The following GPR143 variants were observed in gnomAD, a reference collection of about 807,000 sequenced individuals.
GPR143 encodes G protein-coupled receptor 143.
Under a neutral mutation model 27.6 loss-of-function variants are expected in GPR143, and 8 were observed. That is an observed-to-expected ratio of 0.29 (90% CI 0.17 to 0.52). GPR143 has a LOEUF of 0.52. GPR143 is among the 20% of genes least tolerant of loss of function. GPR143 has a pLI of 0.96. For synonymous variants in GPR143, 156 were observed against 153.2 expected (o/e 1.02, Z -0.13); for missense variants, 303 against 343.1 (o/e 0.88, Z 0.92).
intron 3 of GPR143, among the ~76,000 whole-genome samples, chrX:9,750,115 A>G (rs996505207): frequency 8.9e-6 from 1 of 112,116 alleles, no homozygotes; most frequent in African/African-American, 3.2e-5. Context: ...ACATGGGCCA[A>G]GATTCACCCA....
intron 8 of GPR143, among the ~76,000 whole-genome samples, chrX:9,730,437 T>TGATGAA (rs1024990738): frequency 2.2e-4 from 25 of 111,716 alleles, no homozygotes; most frequent in African/African-American, 7.8e-4. Flanking sequence ...CTACAGTTGA[T>TGATGAA]GAAGACACCA....
chrX:9,753,402 CAG>C (rs369337265), intron 3 of GPR143, among the ~76,000 whole-genome samples: 1,687 of 79,291 alleles, frequency 0.021, 45 homozygotes, highest in African/African-American at 0.077. Context: ...TTGAAAAAAA[CAG>C]AATCTGAAAA....
intron 1 of GPR143, among the ~76,000 whole-genome samples, chrX:9,778,598 G>C (rs919134724): frequency 9.3e-6 from 1 of 107,891 alleles, no homozygotes; most frequent in Non-Finnish European, 1.9e-5. Context: ...TCCATCTTGA[G>C]CCTGGGAGAC....
At chrX:9,735,263 C>T (rs890978036) in intron 8 of GPR143, among the ~76,000 whole-genome samples, 5 of 112,008 alleles carry the variant, frequency 4.5e-5, no homozygotes, top group African/African-American at 6.5e-5. Flanking sequence ...CGCTGGCCAC[C>T]GGATAAAGCC....
chrX:9,733,780 A>G (rs756963920), intron 8 of GPR143, among the ~76,000 whole-genome samples: 1 of 111,641 alleles, frequency 9.0e-6, no homozygotes, highest in African/African-American at 3.3e-5. Context: ...AGATTGTGGT[A>G]GAAAATAGAT....
intron 7 of GPR143, 49 bp from the exon 8 acceptor site, chrX:9,739,768 A>G: frequency 1.2e-6 from 1 of 854,996 alleles, no homozygotes; most frequent in Non-Finnish European, 1.7e-6. Context: ...GCGTAGCAGA[A>G]GTCAGAGCCC....
intron 6 of GPR143, among the ~76,000 whole-genome samples, chrX:9,743,321 C>T (rs985172118): frequency 5.6e-5 from 6 of 107,416 alleles, no homozygotes; most frequent in Admixed American, 2.0e-4. Flanking sequence ...CTTGGGTGTT[C>T]GTTTTCTAAG....
intron 1 of GPR143, among the ~76,000 whole-genome samples, chrX:9,763,218 C>T (rs1022625594): frequency 1.8e-5 from 2 of 110,823 alleles, no homozygotes; most frequent in East Asian, 2.8e-4. Context: ...GGATTACAGG[C>T]GTGAGCCACC....
intron 5 of GPR143, among the ~76,000 whole-genome samples, chrX:9,745,489 G>A (rs750632276): frequency 1.8e-5 from 2 of 112,066 alleles, no homozygotes; most frequent in East Asian, 2.8e-4. Context: ...TCCTTGAGGG[G>A]AAAGTAGGGG....
chrX:9,768,435 C>G (rs1458748277), upstream of GPR143, among the ~76,000 whole-genome samples: 2 of 111,778 alleles, frequency 1.8e-5, no homozygotes, highest in African/African-American at 6.5e-5. Context: ...TAAGGCTCTG[C>G]TTCCTGTCTG....
chrX:9,743,765 G>A, intron 5 of GPR143, 92 bp from the exon 6 acceptor site: 2 of 594,079 alleles, frequency 3.4e-6, no homozygotes, highest in Non-Finnish European at 5.9e-6. Flanking sequence ...GAGCCCACAA[G>A]CAAGGCCAGA....
intron 1 of GPR143, among the ~76,000 whole-genome samples, chrX:9,761,051 GAAGAT>G: frequency 9.0e-6 from 1 of 111,022 alleles, no homozygotes; most frequent in Non-Finnish European, 1.9e-5. Flanking sequence ...GAGAGAAAAA[GAAGAT>G]TGAAACTCAT....
intron 1 of GPR143, among the ~76,000 whole-genome samples, chrX:9,761,216 C>G (rs2083498284): frequency 9.0e-6 from 1 of 111,147 alleles, no homozygotes; most frequent in African/African-American, 3.3e-5. Context: ...GCCTCAGCCT[C>G]CCGAGTGGCT....
chrX:9,775,681 A>G (rs1213784052), intron 1 of GPR143, among the ~76,000 whole-genome samples: 1 of 111,634 alleles, frequency 9.0e-6, no homozygotes, highest in Non-Finnish European at 1.9e-5. Flanking sequence ...GAGTGTCTGC[A>G]AACTAGTCCG....
intron 8 of GPR143, among the ~76,000 whole-genome samples, chrX:9,726,300 G>C (rs943932733): frequency 9.0e-6 from 1 of 111,396 alleles, no homozygotes; most frequent in Non-Finnish European, 1.9e-5. Flanking sequence ...TCAATTCTAG[G>C]AAGTGCCCAA....
At chrX:9,754,477 G>A (rs936711972) in intron 3 of GPR143, among the ~76,000 whole-genome samples, 5 of 111,341 alleles carry the variant, frequency 4.5e-5, no homozygotes, top group African/African-American at 1.6e-4. Flanking sequence ...GTTTGAGAGT[G>A]CAGAATCTCT....
chrX:9,760,773 C>T lies in GPR143; in HGVS notation c.304G>A (p.Val102Ile), dbSNP rs1309522047. 16 of 1,198,229 alleles carry T rather than the reference C, an allele frequency of 1.3e-5. No individual in the cohort carries two copies. Among genetic ancestry groups the T allele is most frequent in the East Asian group, 3.0e-5 (1 of 33,723 alleles). ...ATTTCCGTGTGGTTCATATCCGAGA[C>T]GCTGTCAACAAAATTTGGGAATCCT... ...WLGFPNFVDS[V>I]SDMNHTEIWP... Residue 102 changes from valine (V) to isoleucine (I), a missense_variant, in exon 2 of 9, where the codon GTC becomes ATC. Val to Ile is a conservative substitution (Grantham distance 29). Coordinates refer to ENST00000467482, the MANE Select transcript of GPR143 (RefSeq NM_000273.3).
chrX:9,748,834 T>A (rs1450284485), intron 3 of GPR143, among the ~76,000 whole-genome samples, 168 bp from the exon 4 acceptor site: 2 of 112,894 alleles, frequency 1.8e-5, no homozygotes, highest in Non-Finnish European at 3.7e-5. Context: ...TGTTTTCCAT[T>A]GAGGTGAAAT....
At chrX:9,766,892 A>C (rs868224209), upstream of GPR143, among the ~76,000 whole-genome samples, 33 of 77,294 alleles carry the variant, frequency 4.3e-4, no homozygotes, top group Admixed American at 4.0e-3. Context: ...GTGAGACCCT[A>C]TCTCTCTCTC....
Sources: allele counts gnomAD v4.1 joint callset (sites outside exome capture counted in the v4.1 genomes callset), GRCh38; gene constraint gnomAD v4.1.1; transcripts MANE v1.5; gene names NCBI Gene and HGNC (gene_info 2026-07-23, HGNC 2026-07-21).